The following DNAJB6 variants were observed in gnomAD, a reference collection of about 807,000 sequenced individuals.
The protein encoded by DNAJB6 is dnaJ homolog subfamily B member 6.
DNAJB6 carries 16 observed loss-of-function variants against 42.7 expected under a neutral mutation model. The observed-to-expected ratio is 0.37, with a 90% CI of 0.25 to 0.57. DNAJB6 has a LOEUF of 0.57. Among genes scored for constraint, DNAJB6 ranks in the 20% least tolerant of loss-of-function variants. The pLI is 0.74. For synonymous variants in DNAJB6, 170 were observed against 163.5 expected, an observed-to-expected ratio of 1.04 and a Z score of -0.30; for missense variants, 347 against 416.8, an observed-to-expected ratio of 0.83 and a Z score of 1.46.
chr7:157,382,423 G>A (rs1396420452), intron 6 of DNAJB6, 46 bp downstream of exon 6: 2 of 1,549,950 alleles, frequency 1.3e-6, no homozygotes, highest in Non-Finnish European at 1.7e-6. Flanking sequence ...ACAGCAGTTA[G>A]TACTTATAAA....
At chr7:157,413,514 A>G (rs1201903882) in intron 9 of DNAJB6, 3 of 152,232 alleles carry the variant, frequency 2.0e-5, no homozygotes, top group East Asian at 1.9e-4. Flanking sequence ...CTTAAACTTG[A>G]TAAGAAAACT....
At chr7:157,384,831 T>C (rs771995342) in intron 6 of DNAJB6, 36 bp from the exon 7 acceptor site, 8 of 1,599,346 alleles carry the variant, frequency 5.0e-6, no homozygotes, top group Admixed American at 1.7e-5. Context: ...AGTTGACATA[T>C]TTCTTTAAGC....
intron 9 of DNAJB6, among the ~76,000 whole-genome samples, chr7:157,415,773 G>C (rs1443299056): frequency 1.3e-5 from 2 of 152,208 alleles, no homozygotes; most frequent in African/African-American, 4.8e-5. Flanking sequence ...CCGCTGGGCG[G>C]AACTCGGGTA....
intron 1 of DNAJB6, among the ~76,000 whole-genome samples, chr7:157,352,316 C>CG (rs1472691065): frequency 6.6e-6 from 1 of 151,870 alleles, no homozygotes; most frequent in African/African-American, 2.4e-5. Flanking sequence ...GAGCAAGACT[C>CG]TGTCTCAAAA....
At chr7:157,347,992 C>T (rs1030327118) in intron 1 of DNAJB6, among the ~76,000 whole-genome samples, 2 of 151,320 alleles carry the variant, frequency 1.3e-5, no homozygotes, top group Non-Finnish European at 2.9e-5. Flanking sequence ...GATGGTGTTA[C>T]GTCATGTTGG....
At chr7:157,341,096 A>G (rs1341754451) in intron 1 of DNAJB6, among the ~76,000 whole-genome samples, 1 of 151,988 alleles carries the variant, frequency 6.6e-6, no homozygotes, top group African/African-American at 2.4e-5. Context: ...TGCTAGAATT[A>G]CAAGTGTGAG....
intron 1 of DNAJB6, among the ~76,000 whole-genome samples, chr7:157,339,601 T>TTGTGTGTGTGTGTGTGTG (rs59577692): frequency 4.9e-5 from 6 of 122,326 alleles, no homozygotes; most frequent in African/African-American, 1.9e-4. Flanking sequence ...GCCCGGCCTT[T>TTGTGTGTGTGTGTGTGTG]TGTGTGTGTG....
intron 5 of DNAJB6, chr7:157,368,938 A>C (rs902019437): frequency 1.2e-5 from 3 of 240,866 alleles, no homozygotes; most frequent in African/African-American, 7.0e-5. Flanking sequence ...TCACTCTCAT[A>C]TCTGGTAGGT....
At position 157,357,256 on chromosome 7, in the gene DNAJB6, TTCCTTCCG is replaced by T. The variant is rs1415072375; in HGVS notation, c.-26-1283_-26-1276del. ...CTTCCTTCCTTCCTTCCTTCCTTCCTTCCTTCCGTCCTTCCTTCCGTCCTTCCTTCCGT... is the reference window on the plus strand; with the variant it reads ...CTTCCTTCCTTCCTTCCTTCCTTCCTTCCTTCCTTCCGTCCTTCCTTCCGT... On this transcript the variant is annotated intron_variant, in intron 1 of 9. Transcript: ENST00000262177. Among the ~76,000 whole-genome samples, 255 of 74,800 alleles carry T rather than the reference TTCCTTCCG, an allele frequency of 3.4e-3. 4 individuals carry two copies. Among genetic ancestry groups the T allele is most frequent in the African/African-American group, 0.011 (232 of 21,894 alleles). The allele number at this position is 74,800 out of a possible 152,430, so 49.1% of individuals were successfully genotyped here. A position where few individuals can be genotyped will look rare whatever the true frequency, so the allele number is the denominator to read the frequency against.
intron 8 of DNAJB6, among the ~76,000 whole-genome samples, chr7:157,390,765 A>G (rs1462190302): frequency 6.6e-6 from 1 of 152,170 alleles, no homozygotes; most frequent in Non-Finnish European, 1.5e-5. Flanking sequence ...GGTCTAATTG[A>G]TAATGGCGTG....
In DNAJB6 at chr7:157,416,751, G is replaced by GATTTTTGCTAATTATTTTTAGCAAAAA. The variant is rs1796115339; in HGVS notation, c.*663_*689dup. ...TGCTAGATTCCATATTTTTTTCTTGGATTTTTGCTAATTATTTTTAGCAAA... is the reference window on the plus strand; with the variant it reads ...TGCTAGATTCCATATTTTTTTCTTGGATTTTTGCTAATTATTTTTAGCAAAAAATTTTTGCTAATTATTTTTAGCAAA... On this transcript the variant is annotated 3_prime_UTR_variant, in exon 10 of 10. Transcript: ENST00000262177. 6.6e-6 allele frequency: 1 copy of GATTTTTGCTAATTATTTTTAGCAAAAA among 152,034 alleles called. No homozygotes were observed. Among genetic ancestry groups the GATTTTTGCTAATTATTTTTAGCAAAAA allele is most frequent in the Admixed American group, 6.5e-5 (1 of 15,274 alleles). 9.4% of individuals were successfully genotyped at this position (152,034 alleles called of 1,614,324 possible).
intron 8 of DNAJB6, among the ~76,000 whole-genome samples, chr7:157,392,264 C>T (rs1008961457): frequency 2.0e-5 from 3 of 151,928 alleles, no homozygotes; most frequent in Non-Finnish European, 2.9e-5. Context: ...GTGTCACCTG[C>T]GTGTGCCTCT....
intron 3 of DNAJB6, among the ~76,000 whole-genome samples, chr7:157,365,695 T>C (rs960038252): frequency 2.0e-5 from 3 of 152,196 alleles, no homozygotes; most frequent in Non-Finnish European, 4.4e-5. Context: ...AGATGGAGTT[T>C]TGCTCGTTGC....
chr7:157,369,286 G>T (rs926682397), intron 5 of DNAJB6: 1 of 456,692 alleles, frequency 2.2e-6, no homozygotes, highest in South Asian at 1.5e-5. Flanking sequence ...ATAATTTACG[G>T]ATTGATCTCT....
At chr7:157,373,630 C>T (rs1194776421) in intron 5 of DNAJB6, among the ~76,000 whole-genome samples, 5 of 152,288 alleles carry the variant, frequency 3.3e-5, no homozygotes, top group Non-Finnish European at 5.9e-5. Context: ...GGATTACATG[C>T]GTGAGCCACC....
intron 1 of DNAJB6, among the ~76,000 whole-genome samples, chr7:157,356,047 C>T (rs1270394227): frequency 6.6e-6 from 1 of 152,184 alleles, no homozygotes; most frequent in Non-Finnish European, 1.5e-5. Context: ...TTTGGACTTG[C>T]GAGGGCATGT....
chr7:157,361,893 T>G (rs779156467), intron 2 of DNAJB6, among the ~76,000 whole-genome samples: 38 of 152,166 alleles, frequency 2.5e-4, no homozygotes, highest in Non-Finnish European at 4.6e-4. Context: ...CTCAGCCTCC[T>G]GAGTAGCTGG....
intron 5 of DNAJB6, among the ~76,000 whole-genome samples, chr7:157,373,100 A>G (rs1038961277): frequency 2.6e-5 from 4 of 151,814 alleles, no homozygotes; most frequent in African/African-American, 9.7e-5. Context: ...GACATCATTT[A>G]TATTGGCTTA....
intron 5 of DNAJB6, chr7:157,369,459 C>A: frequency 2.2e-6 from 1 of 456,232 alleles, no homozygotes; most frequent in Non-Finnish European, 4.4e-6. Flanking sequence ...CATGGCTTCT[C>A]TTCTGGGGCA....
Sources: allele counts gnomAD v4.1 joint callset (sites outside exome capture counted in the v4.1 genomes callset), GRCh38; gene constraint gnomAD v4.1.1; transcripts MANE v1.5; gene names NCBI Gene and HGNC (gene_info 2026-07-23, HGNC 2026-07-21).